PTGS2: variants seen among roughly 807,000 people sequenced by gnomAD.
The protein encoded by PTGS2 is prostaglandin-endoperoxide synthase 2, also known as prostaglandin G/H synthase 2.
PTGS2 carries 14 observed loss-of-function variants against 63.8 expected under a neutral mutation model. That is an observed-to-expected ratio of 0.22 (90% CI 0.14 to 0.34). PTGS2 has a LOEUF of 0.34. PTGS2 is among the 10% of genes least tolerant of loss of function. The pLI is 1.00. For missense variants in PTGS2, 533 were observed against 738.5 expected (o/e 0.72, Z 3.23); for synonymous variants, 271 against 259.5 (o/e 1.04, Z -0.43).
At position 186,673,726 on chromosome 1, in the gene PTGS2, T is replaced by C. The variant is rs201083629; in HGVS notation, c.*627A>G. Reference sequence around the variant, plus strand: ...CAGATTTAAATCCAAGACAGCTTCTTTTTGGTATATGTACAAGTTTAATAA... The same window carrying C: ...CAGATTTAAATCCAAGACAGCTTCTCTTTGGTATATGTACAAGTTTAATAA... On this transcript the variant is annotated 3_prime_UTR_variant, in exon 10 of 10. Transcript: ENST00000367468. 6.6e-6 allele frequency: 1 copy of C among 152,200 alleles called. No homozygotes were observed. 9.4% of individuals were successfully genotyped at this position (152,200 alleles called of 1,614,324 possible).
At chr1:186,678,526 A>C (rs1665821749) in intron 3 of PTGS2, 122 bp from the exon 4 acceptor site, 3 of 939,490 alleles carry the variant, frequency 3.2e-6, no homozygotes, top group Non-Finnish European at 4.6e-6. Context: ...AAAATAAAAA[A>C]AATCTATTTT....
At position 186,679,374 on chromosome 1, in the gene PTGS2, C is replaced by T; in HGVS notation, c.117G>A (p.Gln39=). ...RGVCMSVGFD[Q]YKCDCTRTGF... ...CTGTCCGGGTACAATCGCACTTATA[C>T]TGGTCAAATCCCACACTCATACATA... Residue 39 remains glutamine (Q), a synonymous_variant, in exon 2 of 10, where the codon CAG becomes CAA. Coordinates refer to ENST00000367468, the MANE Select transcript of PTGS2 (RefSeq NM_000963.4). 1.2e-6 allele frequency: 2 copies of T among 1,614,164 alleles called. No homozygotes were observed. The highest frequency in any genetic ancestry group is 1.1e-5 in the South Asian group (1 of 91,078).
intron 8 of PTGS2, 93 bp downstream of exon 8, chr1:186,675,805 T>A (rs1665768782): frequency 8.0e-7 from 1 of 1,257,830 alleles, no homozygotes; most frequent in Non-Finnish European, 1.1e-6. Context: ...AACTAACTAC[T>A]CTTTTAGTAA....
intron 4 of PTGS2, among the ~76,000 whole-genome samples, 174 bp from the exon 5 acceptor site, chr1:186,678,004 A>G (rs965566493): frequency 4.6e-5 from 7 of 152,208 alleles, no homozygotes; most frequent in African/African-American, 1.7e-4. Context: ...GAATGATTTT[A>G]TCTATTTTAA....
intron 2 of PTGS2, 58 bp downstream of exon 2, chr1:186,679,264 T>C: frequency 1.2e-6 from 2 of 1,612,774 alleles, no homozygotes; most frequent in Middle Eastern, 3.3e-4. Context: ...CACAAATCTA[T>C]ACAATGATAA....
intron 8 of PTGS2, 39 bp from the exon 9 acceptor site, chr1:186,675,435 G>A: frequency 6.2e-7 from 1 of 1,605,268 alleles, no homozygotes; most frequent in Non-Finnish European, 8.5e-7. Context: ...AAGAATTTTA[G>A]GCATATTTAC....
At chr1:186,679,246 T>C (rs553037847) in intron 2 of PTGS2, 45 bp from the exon 3 acceptor site, 3 of 1,612,732 alleles carry the variant, frequency 1.9e-6, no homozygotes, top group Admixed American at 3.3e-5. Flanking sequence ...ATGGGACTCA[T>C]TATAAGACAC....
chr1:186,679,046 A>T lies in PTGS2; in HGVS notation c.313+12T>A, dbSNP rs1200087058. On this transcript the variant is annotated intron_variant, in intron 3 of 9. Coordinates refer to ENST00000367468, the MANE Select transcript of PTGS2 (RefSeq NM_000963.4). ...AGAAGGCTAAAAACCTTAGAAAGACACTTGTACTTACATGTCAACACATAA... is the reference window on the plus strand; with the variant it reads ...AGAAGGCTAAAAACCTTAGAAAGACTCTTGTACTTACATGTCAACACATAA... 2 of 1,608,838 alleles carry T rather than the reference A, an allele frequency of 1.2e-6. No individual in the cohort carries two copies. The highest frequency in any genetic ancestry group is 1.7e-6 in the Non-Finnish European group (2 of 1,178,436).
In PTGS2 at chr1:186,674,392, A is replaced by G. The variant is rs1240017255; in HGVS notation, c.1776T>C (p.Asn592=). Residue 592 remains asparagine (N), a synonymous_variant, in exon 10 of 10, where the codon AAT becomes AAC. Transcript: ENST00000367468. ...AACGTTCTTTTAGTAGTACTGTGGG[A>G]TTGATATCATCTAGTCCGGAGCGGG... ...SSSRSGLDDI[N]PTVLLKERST... 3.1e-6 allele frequency: 5 copies of G among 1,613,682 alleles called. No homozygotes were observed. The Admixed American group carries it at 6.7e-5, about 22-fold the overall frequency.
chr1:186,675,453 A>T, intron 8 of PTGS2, 57 bp from the exon 9 acceptor site: 1 of 1,582,068 alleles, frequency 6.3e-7, no homozygotes, highest in Non-Finnish European at 8.6e-7. Flanking sequence ...TACTGTTTGT[A>T]TTCAGCTTGC....
intron 8 of PTGS2, 48 bp downstream of exon 8, chr1:186,675,850 A>G (rs755394609): frequency 2.7e-6 from 4 of 1,509,002 alleles, no homozygotes; most frequent in Non-Finnish European, 2.7e-6. Flanking sequence ...CAGAAATTCT[A>G]AAGTTACTGA....
At position 186,678,384 on chromosome 1, in the gene PTGS2, T is replaced by C. The variant is rs749696563; in HGVS notation, c.334A>G (p.Ser112Gly). Reference protein sequence around the residue: ...VLTSRSHLIDSPPTYNADYGY... With the variant: ...VLTSRSHLIDGPPTYNADYGY... ...TAGTCAGCATTGTAAGTTGGTGGACTGTCAATCAAATGTGATCTGGCTGAA... is the reference window on the plus strand; with the variant it reads ...TAGTCAGCATTGTAAGTTGGTGGACCGTCAATCAAATGTGATCTGGCTGAA... Residue 112 changes from serine to glycine, a missense_variant, in exon 4 of 10, where the codon AGT (serine) becomes GGT (glycine). Physicochemically the swap from Ser to Gly is moderately conservative, Grantham distance 56. Coordinates refer to ENST00000367468, the MANE Select transcript of PTGS2 (RefSeq NM_000963.4). The C allele has an allele frequency of 6.2e-7, 1 of 1,606,180 alleles. No homozygotes were observed. The highest frequency in any genetic ancestry group is 8.5e-7 in the Non-Finnish European group (1 of 1,176,336).
chr1:186,678,528 A>G (rs940535341), intron 3 of PTGS2, 124 bp from the exon 4 acceptor site: 2 of 914,980 alleles, frequency 2.2e-6, no homozygotes, highest in Non-Finnish European at 3.2e-6. Flanking sequence ...AATAAAAAAA[A>G]TCTATTTTTA....
At chr1:186,678,600 T>C (rs1316243381) in intron 3 of PTGS2, among the ~76,000 whole-genome samples, 196 bp from the exon 4 acceptor site, 1 of 152,182 alleles carries the variant, frequency 6.6e-6, no homozygotes, top group Non-Finnish European at 1.5e-5. Context: ...ATACATATAC[T>C]CTGCACATTA....
At position 186,677,689 on chromosome 1, in the gene PTGS2, T is replaced by C. The variant is rs1665805895; in HGVS notation, c.599A>G (p.His200Arg). The change falls in exon 5 of 10, where the codon CAT becomes CGT. Residue 200 changes from histidine to arginine, a missense_variant. Around this residue, in one of 5 missense-constraint regions of PTGS2, gnomAD observed 118 missense variants for 138.7 expected, o/e 0.85. Transcript: ENST00000367468. The stretch of plus-strand genomic sequence containing the variant: ...GTTGGTGAAAGCTGGCCCTCGCTTA[T>C]GATCTGTCTTGAAAAACTGATGCGT... ...HFTHQFFKTD[H>R]KRGPAFTNGL... 6.2e-7 allele frequency: 1 copy of C among 1,613,560 alleles called. No individual in the cohort carries two copies. The highest frequency in any genetic ancestry group is 8.5e-7 in the Non-Finnish European group (1 of 1,179,864).
Position 186,672,660 on chromosome 1 carries a change from C to A in PTGS2, c.*1693G>T, listed in dbSNP as rs1665709523. 6.6e-6 allele frequency: 1 copy of A among 152,374 alleles called. No individual in the cohort carries two copies. Among genetic ancestry groups the A allele is most frequent in the Admixed American group, 6.6e-5 (1 of 15,258 alleles). 9.4% of individuals were successfully genotyped at this position (152,374 alleles called of 1,614,324 possible). A position where few individuals can be genotyped will look rare whatever the true frequency, so the allele number is the denominator to read the frequency against. On this transcript the variant is annotated 3_prime_UTR_variant, in exon 10 of 10. Coordinates refer to ENST00000367468, the MANE Select transcript of PTGS2 (RefSeq NM_000963.4). ...ATGAGATGTGGAAAAGAAGTATTAT[C>A]GTCATTATTATTATTGCTGAGAACT...
Position 186,677,960 on chromosome 1 carries a change from A to G in PTGS2, c.458-130T>C, listed in dbSNP as rs925215635. The G allele has an allele frequency of 2.4e-5, 21 of 884,818 alleles. No homozygotes were observed. In the African/African-American group the frequency reaches 3.1e-4, roughly 13 times the overall value. The allele number at this position is 884,818 out of a possible 1,614,324, so 54.8% of individuals were successfully genotyped here. A position where few individuals can be genotyped will look rare whatever the true frequency, so the allele number is the denominator to read the frequency against. The stretch of plus-strand genomic sequence containing the variant: ...TGTGAATAGGATCATAATATAAACA[A>G]CAGTTCTAAGATATGGTGGAACAAC... On this transcript the variant is annotated intron_variant, in intron 4 of 9. Transcript: ENST00000367468.
In PTGS2 at chr1:186,673,537, T is replaced by G. The variant is rs931525283; in HGVS notation, c.*816A>C. On this transcript the variant is annotated 3_prime_UTR_variant, in exon 10 of 10. Transcript: ENST00000367468. ...ATATCTCAACAAAATATTCTTATTTTAAGATAACACTGCAGTGGCTCCACC... is the reference window on the plus strand; with the variant it reads ...ATATCTCAACAAAATATTCTTATTTGAAGATAACACTGCAGTGGCTCCACC... 6 of 152,198 alleles carry G rather than the reference T, an allele frequency of 3.9e-5. No homozygotes were observed. Among genetic ancestry groups the G allele is most frequent in the African/African-American group, 1.4e-4 (6 of 41,462 alleles). The allele number at this position is 152,198 out of a possible 1,614,324, so 9.4% of individuals were successfully genotyped here.
chr1:186,676,727 T>A lies in PTGS2; in HGVS notation c.724-14A>T. On this transcript the variant is annotated splice_polypyrimidine_tract_variant and intron_variant, in intron 6 of 9. Transcript: ENST00000367468. ...TCCATCAATTATCTAAAAAAATAAATAAATAAATAAACATCAGTTAAAAAG... is the reference window on the plus strand; with the variant it reads ...TCCATCAATTATCTAAAAAAATAAAAAAATAAATAAACATCAGTTAAAAAG... 6.2e-7 allele frequency: 1 copy of A among 1,600,980 alleles called. No individual in the cohort carries two copies. Among genetic ancestry groups the A allele is most frequent in the Non-Finnish European group, 8.5e-7 (1 of 1,174,714 alleles).
Sources: gnomAD v4.1 joint callset for allele counts (sites outside exome capture counted in the v4.1 genomes callset) on GRCh38, gnomAD v4.1.1 for gene constraint, gnomAD v4.1.1 regional missense constraint, MANE v1.5 for transcripts, NCBI Gene and HGNC (gene_info 2026-07-23, HGNC 2026-07-21) for gene names.